PTPRO: variants seen among roughly 807,000 people sequenced by gnomAD.
PTPRO encodes receptor-type tyrosine-protein phosphatase O.
PTPRO carries 62 observed loss-of-function variants against 145.2 expected under a neutral mutation model. The ratio of observed to expected loss-of-function variants is 0.43; its 90% CI spans 0.35 to 0.53. PTPRO has a LOEUF of 0.53. Among genes scored for constraint, PTPRO ranks in the 20% least tolerant of loss-of-function variants. The pLI is 0.01. For missense variants in PTPRO, 1,345 were observed against 1,482.7 expected (o/e 0.91, Z 1.53); for synonymous variants, 565 against 514.7 (o/e 1.10, Z -1.32).
chr12:15,508,025 C>G (rs1446323692), intron 6 of PTPRO, among the ~76,000 whole-genome samples: 1 of 152,148 alleles, frequency 6.6e-6, no homozygotes, highest in Non-Finnish European at 1.5e-5. Context: ...TGTTGTGTTC[C>G]TCAAATTATC....
rs1397414435 is a variant in PTPRO, at chr12:15,484,013, A to G, written c.115A>G (p.Asn39Asp). Residue 39 changes from asparagine (N) to aspartate (D), a missense_variant, in exon 2 of 27, where the codon AAC (asparagine) becomes GAC (aspartate). This residue lies in a region of PTPRO where 1,130 missense variants were observed against 1,214.7 expected (regional missense o/e 0.93). Coordinates refer to ENST00000281171, the MANE Select transcript of PTPRO (RefSeq NM_030667.3). ...CCATGTAACTGTCCAAGATGATAATAACATCGTTGTCTCATTAGAAGCTTC... is the reference window on the plus strand; with the variant it reads ...CCATGTAACTGTCCAAGATGATAATGACATCGTTGTCTCATTAGAAGCTTC... ...AFHVTVQDDN[N>D]IVVSLEASDV... 1 of 1,613,548 alleles carries G rather than the reference A, an allele frequency of 6.2e-7. No individual in the cohort carries two copies. Among genetic ancestry groups the G allele is most frequent in the East Asian group, 2.2e-5 (1 of 44,880 alleles).
At chr12:15,521,194 T>C (rs1942713148) in intron 10 of PTPRO, among the ~76,000 whole-genome samples, 1 of 151,768 alleles carries the variant, frequency 6.6e-6, no homozygotes, top group African/African-American at 2.4e-5. Context: ...GTTTCCTCAG[T>C]AGACATCTAG....
intron 12 of PTPRO, among the ~76,000 whole-genome samples, chr12:15,539,030 T>C (rs1364934143): frequency 6.6e-6 from 1 of 152,120 alleles, no homozygotes; most frequent in Non-Finnish European, 1.5e-5. Context: ...CTGATCTTAT[T>C]CTAAGAATTT....
At chr12:15,518,708 A>C (rs1942650775) in intron 9 of PTPRO, among the ~76,000 whole-genome samples, 1 of 152,166 alleles carries the variant, frequency 6.6e-6, no homozygotes. Flanking sequence ...CAAAATCCCT[A>C]AGGGAGGCAC....
In PTPRO at chr12:15,549,110, C is replaced by A. The variant is rs724159881; in HGVS notation, c.2321C>A (p.Ser774Tyr). ...KTKLQEPVAV[S>Y]SHVVTISSLL... ...AAACCCCAGGAACCAGTTGCTGTTT[C>A]TTCCCATGTCGTGACCATCTCCAGC... Residue 774 changes from serine to tyrosine, a missense_variant, in exon 14 of 27, where the codon TCT becomes TAT. Physicochemically the swap from Ser to Tyr is moderately radical, Grantham distance 144. Around this residue, in one of 3 missense-constraint regions of PTPRO, gnomAD observed 1,130 missense variants for 1,214.7 expected, o/e 0.93. Coordinates refer to ENST00000281171, the MANE Select transcript of PTPRO (RefSeq NM_030667.3). The A allele has an allele frequency of 2.5e-6, 4 of 1,613,526 alleles. No homozygotes were observed. The highest frequency in any genetic ancestry group is 1.3e-5 in the African/African-American group (1 of 74,976).
intron 1 of PTPRO, among the ~76,000 whole-genome samples, chr12:15,361,438 C>CAAAAA (rs71042244): frequency 1.3e-4 from 9 of 71,144 alleles, no homozygotes; most frequent in East Asian, 5.0e-4. Context: ...GACTCAGTCT[C>CAAAAA]AAAAAAAAAA....
chr12:15,570,075 CT>C (rs1565436163), intron 19 of PTPRO, among the ~76,000 whole-genome samples: 1 of 152,306 alleles, frequency 6.6e-6, no homozygotes, highest in South Asian at 2.1e-4. Context: ...GACAACATCT[CT>C]TTTTTTCCGA....
At chr12:15,544,230 GCT>G (rs1212050213) in intron 12 of PTPRO, among the ~76,000 whole-genome samples, 3 of 152,086 alleles carry the variant, frequency 2.0e-5, no homozygotes, top group African/African-American at 7.2e-5. Flanking sequence ...GGGGGTGGTG[GCT>G]CATGCCTATA....
chr12:15,416,703 T>A (rs1939988630), intron 1 of PTPRO, among the ~76,000 whole-genome samples: 1 of 146,888 alleles, frequency 6.8e-6, no homozygotes, highest in Non-Finnish European at 1.5e-5. Context: ...ATCCTATCAG[T>A]GGTTTTGCCA....
At chr12:15,360,764 G>A (rs1938152674) in intron 1 of PTPRO, among the ~76,000 whole-genome samples, 1 of 146,134 alleles carries the variant, frequency 6.8e-6, no homozygotes, top group South Asian at 2.2e-4. Flanking sequence ...GTATATGTGT[G>A]TATATATACG....
chr12:15,382,363 G>A (rs146569614), intron 1 of PTPRO, among the ~76,000 whole-genome samples: 12 of 152,176 alleles, frequency 7.9e-5, no homozygotes, highest in East Asian at 7.7e-4. Context: ...GATTCACCTC[G>A]AGGGACATTA....
chr12:15,340,083 G>T (rs1253972858), intron 1 of PTPRO, among the ~76,000 whole-genome samples: 1 of 152,146 alleles, frequency 6.6e-6, no homozygotes, highest in East Asian at 1.9e-4. Context: ...TTGACTGAGT[G>T]ACTGCTGTTT....
chr12:15,360,839 C>T lies in PTPRO; in HGVS notation c.75+38038C>T, dbSNP rs1489459860. 2.9e-4 allele frequency among the ~76,000 whole-genome samples: 29 copies of T among 100,618 alleles called. 1 individual carries two copies. Among genetic ancestry groups the T allele is most frequent in the South Asian group, 6.4e-4 (2 of 3,148 alleles). The allele number at this position is 100,618 out of a possible 152,430, so 66.0% of individuals were successfully genotyped here. On this transcript the variant is annotated intron_variant, in intron 1 of 26. Coordinates refer to ENST00000281171, the MANE Select transcript of PTPRO (RefSeq NM_030667.3). ...GTATATATGTGTGTGTATATATATA[C>T]GTGTGTATATATGTGTGTGTATATA...
At chr12:15,549,278 T>G in intron 14 of PTPRO, 52 bp downstream of exon 14, 1 of 1,323,018 alleles carries the variant, frequency 7.6e-7, no homozygotes, top group Non-Finnish European at 1.0e-6. Context: ...AATATATATA[T>G]ATATATGTAT....
At chr12:15,437,514 G>A (rs1235868169) in intron 1 of PTPRO, among the ~76,000 whole-genome samples, 1 of 152,110 alleles carries the variant, frequency 6.6e-6, no homozygotes, top group Non-Finnish European at 1.5e-5. Flanking sequence ...AGCCTGAGCT[G>A]CCCCACCATT....
intron 15 of PTPRO, among the ~76,000 whole-genome samples, chr12:15,553,762 GC>G (rs1943537905): frequency 6.6e-6 from 1 of 152,290 alleles, no homozygotes; most frequent in East Asian, 1.9e-4. Flanking sequence ...ACAGAGACAG[GC>G]ATATCAACTG....
At chr12:15,477,375 T>G (rs1941678704) in intron 1 of PTPRO, among the ~76,000 whole-genome samples, 1 of 126,574 alleles carries the variant, frequency 7.9e-6, no homozygotes, top group African/African-American at 2.9e-5. Context: ...GGGGGAGGGA[T>G]AGCATTGGGA....
intron 6 of PTPRO, among the ~76,000 whole-genome samples, chr12:15,507,892 TCA>T (rs1309650255): frequency 2.0e-5 from 3 of 152,226 alleles, no homozygotes; most frequent in Non-Finnish European, 4.4e-5. Context: ...TAGATAATAA[TCA>T]CCTTAACATG....
intron 1 of PTPRO, among the ~76,000 whole-genome samples, chr12:15,361,795 GC>G: frequency 6.6e-6 from 1 of 152,244 alleles, no homozygotes; most frequent in Non-Finnish European, 1.5e-5. Context: ...TTTCTATTTA[GC>G]CTCTAATATG....
Sources: gnomAD v4.1 joint callset for allele counts (sites outside exome capture counted in the v4.1 genomes callset) on GRCh38, gnomAD v4.1.1 for gene constraint, gnomAD v4.1.1 regional missense constraint, MANE v1.5 for transcripts, NCBI Gene and HGNC (gene_info 2026-07-23, HGNC 2026-07-21) for gene names.